HS3ST3A1: variants seen among roughly 807,000 people sequenced by gnomAD.
HS3ST3A1 encodes the protein heparan sulfate glucosamine 3-O-sulfotransferase 3A1.
A neutral mutation model predicts 25.7 loss-of-function variants in HS3ST3A1; 19 were observed. The ratio of observed to expected loss-of-function variants is 0.74; its 90% confidence interval spans 0.52 to 1.08. HS3ST3A1 has a LOEUF of 1.08. HS3ST3A1 is among the 50% of genes least tolerant of loss of function. The pLI is 0.00. For missense variants in HS3ST3A1, 459 were observed against 594.3 expected, an observed-to-expected ratio of 0.77 and a Z score of 2.37; for synonymous variants, 226 against 278.6, an observed-to-expected ratio of 0.81 and a Z score of 1.88.
At chr17:13,590,444 T>C (rs1412145681) in intron 1 of HS3ST3A1, among the ~76,000 whole-genome samples, 4 of 152,144 alleles carry the variant, frequency 2.6e-5, no homozygotes, top group Non-Finnish European at 5.9e-5. Context: ...TATTTCCCAA[T>C]TGCATTTAAG....
intron 1 of HS3ST3A1, among the ~76,000 whole-genome samples, chr17:13,544,865 G>T (rs538767569): frequency 5.9e-5 from 9 of 152,100 alleles, no homozygotes; most frequent in African/African-American, 2.2e-4. Context: ...TCAATTGGGC[G>T]TTGTGCTAAT....
intron 1 of HS3ST3A1, among the ~76,000 whole-genome samples, chr17:13,518,367 G>A (rs1300246172): frequency 6.6e-6 from 1 of 152,154 alleles, no homozygotes; most frequent in Admixed American, 6.5e-5. Flanking sequence ...GGCTTAGAAA[G>A]AGCCCCAAAA....
At chr17:13,498,563 A>C (rs1439091483) in intron 1 of HS3ST3A1, among the ~76,000 whole-genome samples, 1 of 152,136 alleles carries the variant, frequency 6.6e-6, no homozygotes, top group African/African-American at 2.4e-5. Flanking sequence ...ATCCCGTTTG[A>C]CTGTAGGTCA....
chr17:13,555,915 A>C (rs1231004030), intron 1 of HS3ST3A1: 2 of 152,212 alleles, frequency 1.3e-5, no homozygotes, highest in Admixed American at 6.5e-5. Context: ...CATAAAAGCA[A>C]AGGCACGAAT....
intron 1 of HS3ST3A1, among the ~76,000 whole-genome samples, chr17:13,525,319 T>A (rs895677444): frequency 2.6e-5 from 4 of 152,206 alleles, no homozygotes; most frequent in African/African-American, 9.7e-5. Flanking sequence ...TGTCCTAATT[T>A]TTTTTTCCTT....
intron 1 of HS3ST3A1, among the ~76,000 whole-genome samples, chr17:13,589,455 G>A (rs912451160): frequency 1.2e-4 from 18 of 152,288 alleles, no homozygotes; most frequent in African/African-American, 4.1e-4. Context: ...AACCCTAGCA[G>A]GGCATTCTAG....
chr17:13,593,252 A>AAAAAAAAAAAAAAAAG (rs1567632567), intron 1 of HS3ST3A1, among the ~76,000 whole-genome samples: 32 of 151,152 alleles, frequency 2.1e-4, no homozygotes, highest in African/African-American at 7.6e-4. Flanking sequence ...AAAAAAAAAA[A>AAAAAAAAAAAAAAAAG]AGTCATACGC....
chr17:13,575,652 A>G lies in HS3ST3A1; in HGVS notation c.599+24879T>C, dbSNP rs540675357. On this transcript the variant is annotated intron_variant, in intron 1 of 1. Transcript: ENST00000284110. The stretch of plus-strand genomic sequence containing the variant: ...AGAGGTTAGCAAAGAGTCTGCCAAT[A>G]GAAGATAAGAAGGGAGGGAAATTGT... Among the ~76,000 whole-genome samples, 24 of 152,336 alleles carry G rather than the reference A, an allele frequency of 1.6e-4. No individual in the cohort carries two copies. The South Asian group carries it at 4.8e-3, about 30-fold the overall frequency.
chr17:13,580,687 T>C (rs923030976), intron 1 of HS3ST3A1, among the ~76,000 whole-genome samples: 1 of 151,520 alleles, frequency 6.6e-6, no homozygotes, highest in South Asian at 2.1e-4. Flanking sequence ...GAGGTCGGAG[T>C]TCGAGATCAG....
rs191813363 is a variant in HS3ST3A1, at chr17:13,600,514, G to A, written c.599+17C>T. 7,590 of 1,577,088 alleles carry A rather than the reference G, an allele frequency of 4.8e-3. 28 individuals are homozygous for A. Among genetic ancestry groups the A allele is most frequent in the Non-Finnish European group, 5.9e-3 (6,870 of 1,168,508 alleles). On this transcript the variant is annotated intron_variant, in intron 1 of 1. Coordinates refer to ENST00000284110, the MANE Select transcript of HS3ST3A1 (RefSeq NM_006042.3). ...CCCCCGGATCCTTCAGCCCCAGCCCGGGCCCGCCCCGCTCACCGGTACCAG... is the reference window on the plus strand; with the variant it reads ...CCCCCGGATCCTTCAGCCCCAGCCCAGGCCCGCCCCGCTCACCGGTACCAG...
At chr17:13,563,151 C>T (rs1391475467) in intron 1 of HS3ST3A1, among the ~76,000 whole-genome samples, 7 of 151,536 alleles carry the variant, frequency 4.6e-5, no homozygotes, top group African/African-American at 1.7e-4. Context: ...CTGCCTTCTC[C>T]AGGGATACCT....
intron 1 of HS3ST3A1, chr17:13,543,596 T>G (rs968701101): frequency 6.0e-6 from 1 of 167,470 alleles, no homozygotes; most frequent in Non-Finnish European, 1.5e-5. Context: ...TTACTTTCAA[T>G]GACAAAAACC....
At chr17:13,581,026 G>A (rs901431638) in intron 1 of HS3ST3A1, among the ~76,000 whole-genome samples, 9 of 152,046 alleles carry the variant, frequency 5.9e-5, no homozygotes, top group Admixed American at 2.6e-4. Context: ...ATTCACTGCC[G>A]TTTCTTGTGA....
intron 1 of HS3ST3A1, among the ~76,000 whole-genome samples, chr17:13,566,798 A>G (rs1308886193): frequency 6.6e-6 from 1 of 150,460 alleles, no homozygotes; most frequent in Non-Finnish European, 1.5e-5. Flanking sequence ...AGGAAGTTGC[A>G]GAAAAAAAAA....
At chr17:13,526,209 T>C (rs777533735) in intron 1 of HS3ST3A1, among the ~76,000 whole-genome samples, 8 of 151,892 alleles carry the variant, frequency 5.3e-5, no homozygotes, top group Non-Finnish European at 1.0e-4. Flanking sequence ...CCCTTCTGCT[T>C]CCTTCTGAGA....
At position 13,601,587 on chromosome 17, in the gene HS3ST3A1, G is replaced by A. The variant is rs968425661; in HGVS notation, c.-458C>T. On this transcript the variant is annotated 5_prime_UTR_variant, in exon 1 of 2. Transcript: ENST00000284110. ...CCCCGTGAGGGCACGCGCGGCTGCC[G>A]GGCCTCTGCGCTCCGTGCGCTCCAG... The A allele has an allele frequency of 6.3e-6, 1 of 157,804 alleles. No individual in the cohort carries two copies. The highest frequency in any genetic ancestry group is 2.4e-5 in the African/African-American group (1 of 41,662). The allele number at this position is 157,804 out of a possible 1,614,324, so 9.8% of individuals were successfully genotyped here.
intron 1 of HS3ST3A1, among the ~76,000 whole-genome samples, chr17:13,571,213 A>T (rs145873009): frequency 6.6e-6 from 1 of 152,324 alleles, no homozygotes; most frequent in African/African-American, 2.4e-5. Flanking sequence ...CTTGTGACAC[A>T]TGTAGTTCTA....
chr17:13,590,317 C>G (rs1908388838), intron 1 of HS3ST3A1, among the ~76,000 whole-genome samples: 1 of 99,042 alleles, frequency 1.0e-5, no homozygotes, highest in Non-Finnish European at 2.1e-5. Context: ...TTTAATAGCT[C>G]TGTGAGGTTA....
intron 1 of HS3ST3A1, among the ~76,000 whole-genome samples, chr17:13,516,458 G>T (rs951082230): frequency 2.0e-5 from 3 of 152,162 alleles, no homozygotes; most frequent in Admixed American, 6.5e-5. Context: ...CTGAGCAAAA[G>T]TTTTTTAATT....
Sources: gnomAD v4.1 joint callset for allele counts (sites outside exome capture counted in the v4.1 genomes callset) on GRCh38, gnomAD v4.1.1 for gene constraint, MANE v1.5 for transcripts, NCBI Gene and HGNC (gene_info 2026-07-23, HGNC 2026-07-21) for gene names.